POLR3H: variants seen among roughly 807,000 people sequenced by gnomAD.
The protein encoded by POLR3H is RNA polymerase III subunit H.
POLR3H carries 17 observed loss-of-function variants against 25.5 expected under a neutral mutation model. The ratio of observed to expected loss-of-function variants is 0.67; its 90% confidence interval spans 0.46 to 1.00. The LOEUF is 1.00. Ranked by LOEUF, POLR3H falls within the 50% of genes least tolerant of loss-of-function variation. The probability of loss-of-function intolerance (pLI) is 0.00; values close to 1 mark genes in which losing one functional copy is unlikely to be tolerated. For synonymous variants in POLR3H, 129 were observed against 103.0 expected (o/e 1.25, Z -1.53); for missense variants, 274 against 265.0 (o/e 1.03, Z -0.24).
In POLR3H at chr22:41,526,164, T is replaced by C; in HGVS notation, c.*3119A>G. 1 of 1,133,756 alleles carries C rather than the reference T, an allele frequency of 8.8e-7. No individual in the cohort carries two copies. Among genetic ancestry groups the C allele is most frequent in the Non-Finnish European group, 1.3e-6 (1 of 786,404 alleles). The allele number at this position is 1,133,756 out of a possible 1,614,324, so 70.2% of individuals were successfully genotyped here. A position where few individuals can be genotyped will look rare whatever the true frequency, so the allele number is the denominator to read the frequency against. On this transcript the variant is annotated 3_prime_UTR_variant, in exon 6 of 6. Transcript: ENST00000355209. ...CTGCCTCTCACCCCTCTGTCACCCC[T>C]CCTGGGCCCCGGGGCCTGCTGCCTG...
At chr22:41,543,262 T>A (rs532988986) in intron 1 of POLR3H, among the ~76,000 whole-genome samples, 1 of 152,056 alleles carries the variant, frequency 6.6e-6, no homozygotes, top group Non-Finnish European at 1.5e-5. Flanking sequence ...CGCACAAATA[T>A]TGGCTGCTGG....
chr22:41,531,647 G>T (rs2066737938), intron 4 of POLR3H, among the ~76,000 whole-genome samples: 1 of 152,262 alleles, frequency 6.6e-6, no homozygotes, highest in South Asian at 2.1e-4. Flanking sequence ...AGCAAGGTGA[G>T]GGGTGGGACA....
chr22:41,526,639 T>A lies in POLR3H; in HGVS notation c.*2644A>T. The A allele has an allele frequency of 1.7e-6, 1 of 571,596 alleles. No individual in the cohort carries two copies. Among genetic ancestry groups the A allele is most frequent in the Admixed American group, 3.2e-5 (1 of 30,818 alleles). The allele number at this position is 571,596 out of a possible 1,614,324, so 35.4% of individuals were successfully genotyped here. ...TGGCTGAGAAGGCATGAGGCCCAGGTCCGGTGGTACAGCCGGGTCCCTGCA... is the reference window on the plus strand; with the variant it reads ...TGGCTGAGAAGGCATGAGGCCCAGGACCGGTGGTACAGCCGGGTCCCTGCA... On this transcript the variant is annotated 3_prime_UTR_variant, in exon 6 of 6. Transcript: ENST00000355209.
At chr22:41,539,418 C>T (rs1421279444) in intron 2 of POLR3H, 1 of 152,300 alleles carries the variant, frequency 6.6e-6, no homozygotes, top group Non-Finnish European at 1.5e-5. Context: ...CTCTCACCAT[C>T]TCCTATACAC....
intron 2 of POLR3H, among the ~76,000 whole-genome samples, 190 bp from the exon 3 acceptor site, chr22:41,532,935 C>G (rs938137623): frequency 3.9e-5 from 6 of 152,182 alleles, no homozygotes; most frequent in Non-Finnish European, 7.3e-5. Flanking sequence ...CAGCAGCTGT[C>G]CTGTAACTGG....
chr22:41,533,478 C>T (rs2066784552), intron 2 of POLR3H: 2 of 1,175,636 alleles, frequency 1.7e-6, no homozygotes, highest in South Asian at 1.6e-5. Context: ...GACCCACTCA[C>T]AGCCACATAG....
At position 41,527,770 on chromosome 22, in the gene POLR3H, C is replaced by A; in HGVS notation, c.*1513G>T. 2 of 1,474,856 alleles carry A rather than the reference C, an allele frequency of 1.4e-6. No individual in the cohort carries two copies. The highest frequency in any genetic ancestry group is 1.8e-6 in the Non-Finnish European group (2 of 1,089,400). The allele number at this position is 1,474,856 out of a possible 1,614,324, so 91.4% of individuals were successfully genotyped here. ...AGTGAAAGGGAGCAGACCAGGGCCC[C>A]ATAGTCACTGCCCGGGCATTGTCCC... On this transcript the variant is annotated 3_prime_UTR_variant, in exon 6 of 6. Transcript: ENST00000355209.
chr22:41,529,371 C>T, intron 5 of POLR3H, 35 bp from the exon 6 acceptor site: 1 of 1,608,314 alleles, frequency 6.2e-7, no homozygotes. Flanking sequence ...ATTTCACTGA[C>T]ATGCTGGCTT....
intron 1 of POLR3H, among the ~76,000 whole-genome samples, 186 bp from the exon 2 acceptor site, chr22:41,540,981 G>A (rs1221958451): frequency 6.6e-6 from 1 of 152,142 alleles, no homozygotes; most frequent in Non-Finnish European, 1.5e-5. Context: ...GCTCTGGAAG[G>A]AGCAGGGCCT....
rs2066744969 is a variant in POLR3H at position 41,531,981 on chromosome 22, A to G, written c.359+113T>C. On this transcript the variant is annotated intron_variant, in intron 4 of 5. Coordinates refer to ENST00000355209, the MANE Select transcript of POLR3H (RefSeq NM_001018050.4). ...AAAAGCACAGGCGAGGGGCAGGCACAGAGGCCAGTGACATCAGGTTACAGG... is the reference window on the plus strand; with the variant it reads ...AAAAGCACAGGCGAGGGGCAGGCACGGAGGCCAGTGACATCAGGTTACAGG... 6.7e-6 allele frequency: 6 copies of G among 897,192 alleles called. No individual in the cohort carries two copies. In the Admixed American group the frequency reaches 1.2e-4, roughly 17 times the overall value. 55.6% of individuals were successfully genotyped at this position (897,192 alleles called of 1,614,324 possible).
chr22:41,535,968 A>AT (rs1019497525), intron 2 of POLR3H, among the ~76,000 whole-genome samples: 1 of 150,738 alleles, frequency 6.6e-6, no homozygotes, highest in Non-Finnish European at 1.5e-5. Context: ...AAACTCTTGC[A>AT]TTTTTTAGAG....
chr22:41,544,268 G>A lies in POLR3H; in HGVS notation c.-167C>T, dbSNP rs941428646. ...GGGGGCCCGGTCCGGGCCATGCTCCGCTACTACAACATGAGGAAACTGAGG... is the reference window on the plus strand; with the variant it reads ...GGGGGCCCGGTCCGGGCCATGCTCCACTACTACAACATGAGGAAACTGAGG... On this transcript the variant is annotated 5_prime_UTR_variant, in exon 1 of 6. Transcript: ENST00000355209. 1.0e-5 allele frequency: 6 copies of A among 577,210 alleles called. No homozygotes were observed. The highest frequency in any genetic ancestry group is 1.9e-5 in the African/African-American group (1 of 53,080). 35.8% of individuals were successfully genotyped at this position (577,210 alleles called of 1,614,324 possible). A position where few individuals can be genotyped will look rare whatever the true frequency, so the allele number is the denominator to read the frequency against.
At chr22:41,541,887 C>A (rs916144087) in intron 1 of POLR3H, among the ~76,000 whole-genome samples, 1 of 152,196 alleles carries the variant, frequency 6.6e-6, no homozygotes, top group Non-Finnish European at 1.5e-5. Flanking sequence ...CTGTCTCATG[C>A]GTAAAGCCAG....
Position 41,532,096 on chromosome 22 carries a change from C to G in POLR3H, c.357G>C (p.Lys119Asn). Residue 119 changes from lysine (K) to asparagine (N), a missense_variant and splice_region_variant, in exon 4 of 6, where the codon AAG becomes AAC. By Grantham distance (94) the Lys-to-Asn change is moderately conservative. Transcript: ENST00000355209. The stretch of plus-strand genomic sequence containing the variant: ...CCACTTTAACCCTTGGAGGATACAA[C>G]TTGGCTGGCTGCTGCAGTGACTCTG... ...IPPESLQQPA[K>N]FDEAEQVWVW... The G allele has an allele frequency of 6.2e-7, 1 of 1,614,016 alleles. No homozygotes were observed. Among genetic ancestry groups the G allele is most frequent in the East Asian group, 2.2e-5 (1 of 44,880 alleles).
At chr22:41,543,426 T>C (rs374422712) in intron 1 of POLR3H, among the ~76,000 whole-genome samples, 1 of 152,108 alleles carries the variant, frequency 6.6e-6, no homozygotes, top group African/African-American at 2.4e-5. Context: ...GAGACCATCC[T>C]GGCCAAAATG....
Position 41,526,859 on chromosome 22 carries a change from C to G in POLR3H, c.*2424G>C. 1.6e-5 allele frequency: 5 copies of G among 306,268 alleles called. No homozygotes were observed. In the South Asian group the frequency reaches 2.2e-4, roughly 14 times the overall value. 19.0% of individuals were successfully genotyped at this position (306,268 alleles called of 1,614,324 possible). On this transcript the variant is annotated 3_prime_UTR_variant, in exon 6 of 6. Transcript: ENST00000355209. ...AAACAAACAGAACCAGGGCTGAACC[C>G]AAGTCCTGGCCCAGCCGGGTGAAAG...
At chr22:41,533,453 G>T in intron 2 of POLR3H, 1 of 1,117,590 alleles carries the variant, frequency 8.9e-7, no homozygotes, top group Non-Finnish European at 1.1e-6. Flanking sequence ...TAAGGCAGTG[G>T]CTCAGAGCCA....
rs746401124 is a variant in POLR3H at position 41,540,800 on chromosome 22, A to G, written c.112-5T>C. ...GAGTCCCACGTTGTACACGACCTGC[A>G]TGCATACAAACACAGACACACAAGT... On this transcript the variant is annotated splice_polypyrimidine_tract_variant and splice_region_variant and intron_variant, in intron 1 of 5. Coordinates refer to ENST00000355209, the MANE Select transcript of POLR3H (RefSeq NM_001018050.4). 55 of 1,611,204 alleles carry G rather than the reference A, an allele frequency of 3.4e-5. No individual in the cohort carries two copies. Among genetic ancestry groups the G allele is most frequent in the Non-Finnish European group, 3.6e-5 (42 of 1,177,476 alleles).
At chr22:41,533,809 TCCCCCACATGG>T in intron 2 of POLR3H, 1 of 816,164 alleles carries the variant, frequency 1.2e-6, no homozygotes, top group Non-Finnish European at 1.8e-6. Flanking sequence ...AAAAACCCTG[TCCCCCACATGG>T]CCCAACATTC....
Sources: gnomAD v4.1 joint callset for allele counts (sites outside exome capture counted in the v4.1 genomes callset) on GRCh38, gnomAD v4.1.1 for gene constraint, MANE v1.5 for transcripts, NCBI Gene and HGNC (gene_info 2026-07-23, HGNC 2026-07-21) for gene names.